GDPD4: variants seen among roughly 807,000 people sequenced by gnomAD.
GDPD4 encodes glycerophosphodiester phosphodiesterase 6.
In GDPD4, 60 loss-of-function variants were observed where a neutral mutation model predicts 67.8. The ratio of observed to expected loss-of-function variants is 0.88; its 90% confidence interval spans 0.72 to 1.10. GDPD4 has a LOEUF of 1.10. GDPD4 is among the 50% of genes least tolerant of loss of function. GDPD4 has a pLI of 0.00. For synonymous variants in GDPD4, 212 were observed against 210.9 expected (o/e 1.00, Z -0.04); for missense variants, 623 against 613.9 (o/e 1.01, Z -0.16).
intron 3 of GDPD4, among the ~76,000 whole-genome samples, chr11:77,280,694 C>CA: frequency 6.6e-6 from 1 of 152,148 alleles, no homozygotes; most frequent in East Asian, 1.9e-4. Flanking sequence ...AAAGCCCTCT[C>CA]ACCAAACTCA....
chr11:77,236,148 AT>A lies in GDPD4; in HGVS notation c.1242-2977del, dbSNP rs35617706. 1.1e-4 allele frequency among the ~76,000 whole-genome samples: 17 copies of A among 151,474 alleles called. No homozygotes were observed. The South Asian group carries it at 3.1e-3, about 28-fold the overall frequency. ...CTAACTAGATTAATATGTGAACTAA[AT>A]TTTTTTTTCAGGTTCACTATTGTTA... On this transcript the variant is annotated intron_variant, in intron 13 of 16. Transcript: ENST00000315938.
intron 11 of GDPD4, among the ~76,000 whole-genome samples, chr11:77,250,769 T>C (rs1472472054): frequency 2.0e-5 from 3 of 152,228 alleles, no homozygotes; most frequent in South Asian, 2.1e-4. Context: ...CACCAACATT[T>C]ACTGTGTTGG....
intron 13 of GDPD4, among the ~76,000 whole-genome samples, chr11:77,235,980 A>C (rs139688367): frequency 0.019 from 2,955 of 151,934 alleles, 56 homozygotes; most frequent in African/African-American, 0.03. Flanking sequence ...AAAAAACAAA[A>C]AAAAAAACAA....
chr11:77,224,374 C>T (rs1040130656), intron 16 of GDPD4: 15 of 152,180 alleles, frequency 9.9e-5, no homozygotes, highest in African/African-American at 3.4e-4. Flanking sequence ...TGCTATATGA[C>T]AAAGGTTCTG....
intron 5 of GDPD4, among the ~76,000 whole-genome samples, chr11:77,274,117 G>A (rs962951471): frequency 3.9e-5 from 6 of 152,176 alleles, no homozygotes; most frequent in Non-Finnish European, 7.3e-5. Context: ...CTTGGTATTG[G>A]TTAATTTATC....
At chr11:77,235,810 G>C (rs182786539) in intron 13 of GDPD4, among the ~76,000 whole-genome samples, 2 of 152,172 alleles carry the variant, frequency 1.3e-5, no homozygotes, top group East Asian at 1.9e-4. Context: ...TTAAAAAATA[G>C]CCAGGTGTGG....
intron 13 of GDPD4, among the ~76,000 whole-genome samples, chr11:77,239,681 C>T (rs933709296): frequency 1.2e-4 from 18 of 151,936 alleles, no homozygotes; most frequent in South Asian, 2.1e-4. Context: ...TGAAAGGGGC[C>T]GGGTGCGGTG....
chr11:77,281,247 T>G (rs898745528), intron 3 of GDPD4, among the ~76,000 whole-genome samples: 7 of 152,194 alleles, frequency 4.6e-5, no homozygotes, highest in Non-Finnish European at 8.8e-5. Context: ...TTCTCACAGC[T>G]GTAAGATGCA....
chr11:77,244,536 G>A (rs1227500318), intron 12 of GDPD4, among the ~76,000 whole-genome samples: 1 of 152,092 alleles, frequency 6.6e-6, no homozygotes, highest in African/African-American at 2.4e-5. Context: ...TCTGGTTAAT[G>A]ATGTTAAAAA....
At chr11:77,285,390 T>C (rs562678849) in intron 2 of GDPD4, among the ~76,000 whole-genome samples, 1 of 152,340 alleles carries the variant, frequency 6.6e-6, no homozygotes, top group Non-Finnish European at 1.5e-5. Flanking sequence ...ACTGGAATTA[T>C]GCATTTATGT....
chr11:77,271,247 C>A (rs1470850895), intron 6 of GDPD4, 24 bp from the exon 7 acceptor site: 1 of 1,608,496 alleles, frequency 6.2e-7, no homozygotes, highest in Non-Finnish European at 8.5e-7. Flanking sequence ...AAAAGTCAGG[C>A]TGGATACATC....
At chr11:77,255,109 A>G (rs1301104190) in intron 11 of GDPD4, among the ~76,000 whole-genome samples, 2 of 152,200 alleles carry the variant, frequency 1.3e-5, no homozygotes, top group Non-Finnish European at 2.9e-5. Flanking sequence ...TAGGATAACT[A>G]AATGCTACAA....
intron 11 of GDPD4, among the ~76,000 whole-genome samples, chr11:77,255,167 C>CT (rs1481428429): frequency 9.9e-6 from 1 of 101,448 alleles, no homozygotes; most frequent in Non-Finnish European, 2.3e-5. Context: ...GCTATTAATG[C>CT]TAAAAAAATG....
At chr11:77,284,651 C>T (rs544146637) in intron 3 of GDPD4, among the ~76,000 whole-genome samples, 7 of 152,184 alleles carry the variant, frequency 4.6e-5, no homozygotes, top group African/African-American at 1.4e-4. Context: ...TGTTCAGAAT[C>T]GTAGGAAGCC....
intron 1 of GDPD4, among the ~76,000 whole-genome samples, chr11:77,288,606 CT>C (rs1255412799): frequency 6.6e-6 from 1 of 152,082 alleles, no homozygotes; most frequent in African/African-American, 2.4e-5. Flanking sequence ...AGAATAAAAA[CT>C]AAAGTGCCCC....
chr11:77,274,208 G>GA (rs1184866285), intron 5 of GDPD4, among the ~76,000 whole-genome samples: 3 of 152,202 alleles, frequency 2.0e-5, no homozygotes, highest in East Asian at 1.9e-4. Flanking sequence ...TCTTTCCCTA[G>GA]AAAAAATCTC....
chr11:77,282,234 G>A (rs1198082863), intron 3 of GDPD4, among the ~76,000 whole-genome samples: 2 of 152,222 alleles, frequency 1.3e-5, no homozygotes, highest in South Asian at 2.1e-4. Flanking sequence ...GTAATTTCCA[G>A]GGTAGGTACA....
At chr11:77,276,680 G>A (rs1406072607) in intron 4 of GDPD4, among the ~76,000 whole-genome samples, 2 of 152,152 alleles carry the variant, frequency 1.3e-5, no homozygotes, top group Non-Finnish European at 2.9e-5. Flanking sequence ...GTCAACCACT[G>A]TTGTTAACAC....
At chr11:77,252,978 A>T (rs1958936140) in intron 11 of GDPD4, among the ~76,000 whole-genome samples, 1 of 152,184 alleles carries the variant, frequency 6.6e-6, no homozygotes. Context: ...CCTACAATCA[A>T]CTGCCATGGT....
Sources: gnomAD v4.1 joint callset for allele counts (sites outside exome capture counted in the v4.1 genomes callset) on GRCh38, gnomAD v4.1.1 for gene constraint, MANE v1.5 for transcripts, NCBI Gene and HGNC (gene_info 2026-07-23, HGNC 2026-07-21) for gene names.